TOGARAM2: variants seen among roughly 807,000 people sequenced by gnomAD.
TOGARAM2 encodes the protein TOG array regulator of axonemal microtubules protein 2.
In TOGARAM2, 85 loss-of-function variants were observed where a neutral mutation model predicts 93.3. That is an observed-to-expected ratio of 0.91 (90% CI 0.76 to 1.09). TOGARAM2 has a LOEUF of 1.09. Ranked by LOEUF, TOGARAM2 falls within the 50% of genes least tolerant of loss-of-function variation. The pLI, the probability that TOGARAM2 is intolerant of heterozygous loss-of-function variation, is 0.00. For missense variants in TOGARAM2, 1,277 were observed against 1,334.5 expected (o/e 0.96, Z 0.67); for synonymous variants, 593 against 552.8 (o/e 1.07, Z -1.02).
intron 1 of TOGARAM2, among the ~76,000 whole-genome samples, chr2:28,959,090 C>A (rs1228249146): frequency 6.6e-6 from 1 of 152,148 alleles, no homozygotes; most frequent in Admixed American, 6.5e-5. Flanking sequence ...GGTGGCTGCA[C>A]CTCCAGTTTC....
At chr2:29,042,473 A>G (rs563699545) in intron 18 of TOGARAM2, among the ~76,000 whole-genome samples, 144 of 152,232 alleles carry the variant, frequency 9.5e-4, no homozygotes, top group African/African-American at 3.3e-3. Flanking sequence ...TCAGGTCTAG[A>G]TGTGTCTAGG....
At chr2:29,035,708 A>T in intron 17 of TOGARAM2, 52 bp downstream of exon 17, 1 of 1,302,470 alleles carries the variant, frequency 7.7e-7, no homozygotes, top group Non-Finnish European at 9.9e-7. Flanking sequence ...TGGGGGGTGC[A>T]ACTTGAAGTT....
intron 1 of TOGARAM2, among the ~76,000 whole-genome samples, chr2:28,994,488 T>C (rs1267798309): frequency 1.3e-5 from 2 of 152,178 alleles, no homozygotes; most frequent in African/African-American, 2.4e-5. Flanking sequence ...TGACAAGGGA[T>C]GGCAGGTTGA....
intron 19 of TOGARAM2, 71 bp downstream of exon 19, chr2:29,045,481 C>A: frequency 7.9e-7 from 1 of 1,258,734 alleles, no homozygotes; most frequent in Non-Finnish European, 1.1e-6. Context: ...TGTGGTTGAA[C>A]CATTCACCCA....
At chr2:28,986,628 A>G (rs987533746) in intron 1 of TOGARAM2, among the ~76,000 whole-genome samples, 1 of 152,180 alleles carries the variant, frequency 6.6e-6, no homozygotes, top group East Asian at 1.9e-4. Flanking sequence ...CTCACCCTGG[A>G]CAGCTCAGGA....
At chr2:28,967,771 G>A (rs116308049) in intron 1 of TOGARAM2, among the ~76,000 whole-genome samples, 4 of 148,976 alleles carry the variant, frequency 2.7e-5, no homozygotes, top group Non-Finnish European at 5.9e-5. Context: ...AATTCAAAGG[G>A]TGAGCATGAA....
chr2:28,998,369 G>A, intron 3 of TOGARAM2, 116 bp downstream of exon 3: 1 of 667,992 alleles, frequency 1.5e-6, no homozygotes, highest in Non-Finnish European at 2.6e-6. Flanking sequence ...TTTTTCCTGT[G>A]GCTCCTGCTG....
Position 28,985,424 on chromosome 2 carries a change from A to G in TOGARAM2, c.-111+3886A>G, listed in dbSNP as rs544056380. Among the ~76,000 whole-genome samples the G allele has an allele frequency of 5.3e-5, 8 of 151,882 alleles. No homozygotes were observed. In the East Asian group the frequency reaches 1.4e-3, roughly 26 times the overall value. On this transcript the variant is annotated intron_variant, in intron 1 of 19. Coordinates refer to ENST00000379558, the MANE Select transcript of TOGARAM2 (RefSeq NM_199280.4). ...CTCTTGTTGCCCAGGCTGGAGTGCA[A>G]TGGTGTGATCTCGGCTCATTAACCC...
chr2:28,989,395 A>C (rs1399298767), intron 1 of TOGARAM2, among the ~76,000 whole-genome samples: 1 of 104,814 alleles, frequency 9.5e-6, no homozygotes, highest in Non-Finnish European at 2.0e-5. Context: ...TGAGATAAGC[A>C]TTATCTCCTT....
At chr2:28,960,314 T>G (rs532973437) in intron 1 of TOGARAM2, among the ~76,000 whole-genome samples, 3 of 152,302 alleles carry the variant, frequency 2.0e-5, no homozygotes, top group Non-Finnish European at 4.4e-5. Context: ...CATTCTTATA[T>G]CTCTGAAGCT....
At chr2:28,992,826 G>A (rs573191627) in intron 1 of TOGARAM2, among the ~76,000 whole-genome samples, 14 of 152,278 alleles carry the variant, frequency 9.2e-5, no homozygotes, top group African/African-American at 2.6e-4. Context: ...TTGGGAGGCC[G>A]AGGCAGGCAG....
Position 29,026,937 on chromosome 2 carries a change from G to A in TOGARAM2, c.1938G>A (p.Ser646=), listed in dbSNP as rs1350199302. Residue 646 remains serine (S), a synonymous_variant, in exon 14 of 20, where the codon TCG becomes TCA. Transcript: ENST00000379558. ...LEQIGAEKLL[S]GTRDSTDMLV... ...AGATCGGCGCTGAGAAGCTTCTCTC[G>A]GGCACCAGAGACAGCACAGACATGT... The A allele has an allele frequency of 4.4e-6, 7 of 1,576,986 alleles. No homozygotes were observed. The highest frequency in any genetic ancestry group is 2.3e-5 in the East Asian group (1 of 42,756).
chr2:29,019,477 T>A (rs1664802535), intron 10 of TOGARAM2, among the ~76,000 whole-genome samples: 1 of 152,100 alleles, frequency 6.6e-6, no homozygotes, highest in Non-Finnish European at 1.5e-5. Flanking sequence ...GCCAACCCAC[T>A]CATTTTATAG....
At chr2:29,000,388 G>T (rs1035781883) in intron 4 of TOGARAM2, among the ~76,000 whole-genome samples, 3 of 152,012 alleles carry the variant, frequency 2.0e-5, no homozygotes, top group Non-Finnish European at 4.4e-5. Context: ...AACATTTCAG[G>T]CCTCGATTTC....
At position 29,036,599 on chromosome 2, in the gene TOGARAM2, C is replaced by A. The variant is rs368441564; in HGVS notation, c.2477C>A (p.Ala826Glu). 5.0e-6 allele frequency: 8 copies of A among 1,613,882 alleles called. No homozygotes were observed. In the African/African-American group the frequency reaches 8.0e-5, roughly 16 times the overall value. ...QDSNKKVNQW[A>E]LESFAKMIPL... ...TCCAACAAGAAAGTGAACCAGTGGG[C>A]GCTGGAGTCCTTCGCCAAGATGATC... Residue 826 changes from alanine (A) to glutamate (E), a missense_variant, in exon 18 of 20, where the codon GCG (alanine) becomes GAG (glutamate). Transcript: ENST00000379558.
At chr2:28,959,829 T>C (rs1671777053) in intron 1 of TOGARAM2, among the ~76,000 whole-genome samples, 1 of 152,246 alleles carries the variant, frequency 6.6e-6, no homozygotes, top group Non-Finnish European at 1.5e-5. Flanking sequence ...ATATGACCCT[T>C]AACAACGGGG....
At chr2:28,969,634 A>G (rs1299952473) in intron 1 of TOGARAM2, among the ~76,000 whole-genome samples, 3 of 152,198 alleles carry the variant, frequency 2.0e-5, no homozygotes, top group South Asian at 4.1e-4. Flanking sequence ...CTTCCTGACT[A>G]CAAGGCCTCT....
Position 28,999,219 on chromosome 2 carries a change from G to A in TOGARAM2, c.178G>A (p.Glu60Lys), listed in dbSNP as rs535501769. The A allele has an allele frequency of 1.6e-5, 26 of 1,613,772 alleles. No individual in the cohort carries two copies. In the East Asian group the frequency reaches 3.3e-4, roughly 21 times the overall value. Residue 60 changes from glutamate (E) to lysine (K), a missense_variant, in exon 4 of 20, where the codon GAG (glutamate) becomes AAG (lysine). Glu to Lys is a moderately conservative substitution (Grantham distance 56, BLOSUM62 1). Coordinates refer to ENST00000379558, the MANE Select transcript of TOGARAM2 (RefSeq NM_199280.4). Reference sequence around the variant, plus strand: ...TGAGCCAAGAGCCCTGCTGAACAACGAGGAACCGTCACAGCTCCTGCGTGG... The same window carrying A: ...TGAGCCAAGAGCCCTGCTGAACAACAAGGAACCGTCACAGCTCCTGCGTGG... The part of the protein sequence containing the change: ...QPEPRALLNN[E>K]EPSQLLRGLG...
chr2:28,977,521 G>A (rs1386303040), upstream of TOGARAM2, among the ~76,000 whole-genome samples: 1 of 152,192 alleles, frequency 6.6e-6, no homozygotes, highest in Non-Finnish European at 1.5e-5. Context: ...TCTGCAGCTT[G>A]GATCTCAGGT....
Sources: allele counts gnomAD v4.1 joint callset (sites outside exome capture counted in the v4.1 genomes callset), GRCh38; gene constraint gnomAD v4.1.1; transcripts MANE v1.5; gene names NCBI Gene and HGNC (gene_info 2026-07-23, HGNC 2026-07-21).